Variants in TEK observed in about 807,000 individuals in gnomAD.
TEK encodes the protein TEK receptor tyrosine kinase.
Under a neutral mutation model 131.8 loss-of-function variants are expected in TEK, and 43 were observed. That is an observed-to-expected ratio of 0.33 (90% CI 0.26 to 0.42). The LOEUF is 0.42. TEK is among the 10% of genes least tolerant of loss of function. The probability of loss-of-function intolerance (pLI) is 1.00; values close to 1 mark genes in which losing one functional copy is unlikely to be tolerated. For synonymous variants in TEK, 580 were observed against 491.6 expected (o/e 1.18, Z -2.38); for missense variants, 1,162 against 1,384.4 (o/e 0.84, Z 2.55).
intron 1 of TEK, among the ~76,000 whole-genome samples, chr9:27,121,947 C>T (rs1167029325): frequency 1.3e-5 from 2 of 152,190 alleles, no homozygotes; most frequent in Non-Finnish European, 2.9e-5. Context: ...TCACAGTGAT[C>T]GACCTGTCTC....
chr9:27,141,133 T>C (rs1291219033), intron 1 of TEK, among the ~76,000 whole-genome samples: 1 of 152,164 alleles, frequency 6.6e-6, no homozygotes, highest in Non-Finnish European at 1.5e-5. Flanking sequence ...ACTTAAAACA[T>C]TTACCTTTAA....
chr9:27,216,926 G>A (rs1402668602), intron 18 of TEK, among the ~76,000 whole-genome samples: 2 of 152,170 alleles, frequency 1.3e-5, no homozygotes, highest in Non-Finnish European at 2.9e-5. Flanking sequence ...TGAATGAGTA[G>A]ATAGGAAGGG....
At chr9:27,121,743 CTCAG>C (rs1821799309) in intron 1 of TEK, among the ~76,000 whole-genome samples, 1 of 152,018 alleles carries the variant, frequency 6.6e-6, no homozygotes, top group Admixed American at 6.6e-5. Flanking sequence ...GATATGTAGA[CTCAG>C]TAAGAATCAC....
chr9:27,137,681 A>T (rs1319353307), intron 1 of TEK, among the ~76,000 whole-genome samples: 1 of 100,832 alleles, frequency 9.9e-6, no homozygotes, highest in Non-Finnish European at 2.2e-5. Context: ...CTTCTTAACA[A>T]GATTTACTTC....
At chr9:27,221,028 G>A (rs185284133) in intron 21 of TEK, among the ~76,000 whole-genome samples, 27 of 152,300 alleles carry the variant, frequency 1.8e-4, no homozygotes, top group Non-Finnish European at 2.4e-4. Context: ...TGAAATTCTC[G>A]CTGCAAGCAC....
intron 1 of TEK, among the ~76,000 whole-genome samples, chr9:27,122,642 G>A (rs1821834581): frequency 6.6e-6 from 1 of 152,072 alleles, no homozygotes. Context: ...GGAGATAAGA[G>A]GAGGACAGCA....
rs775771256 is a variant in TEK, at chr9:27,197,433, G to A, written c.1743G>A (p.Arg581=). ...ACTTTTATGTTGAAGTGGAGAGAAG[G>A]TCTGTGCAAAAAAGTGATCAGCAGA... ...EDDFYVEVER[R]SVQKSDQQNI... The change falls in exon 12 of 23, where the codon AGG becomes AGA. Residue 581 remains arginine (R), a synonymous_variant. Transcript: ENST00000380036. 3.7e-6 allele frequency: 6 copies of A among 1,614,076 alleles called. No homozygotes were observed. Among genetic ancestry groups the A allele is most frequent in the Non-Finnish European group, 4.2e-6 (5 of 1,179,996 alleles).
intron 1 of TEK, among the ~76,000 whole-genome samples, chr9:27,110,190 AGTT>A (rs567514699): frequency 5.6e-4 from 67 of 120,090 alleles, no homozygotes; most frequent in African/African-American, 2.2e-3. Context: ...TTTTTCTTGT[AGTT>A]AGGGTCAGGG....
In TEK at chr9:27,192,577, G is replaced by A. The variant is rs1321731951; in HGVS notation, c.1578G>A (p.Gly526=). 6.2e-7 allele frequency: 1 copy of A among 1,613,938 alleles called. No individual in the cohort carries two copies. The highest frequency in any genetic ancestry group is 8.5e-7 in the Non-Finnish European group (1 of 1,179,942). The stretch of plus-strand genomic sequence containing the variant: ...AACTGGTCCGTCGTGGAGAGGGTGG[G>A]GAAGGGCATCCTGGACCTGTGAGAC... The part of the protein sequence containing the change: ...CVQLVRRGEG[G]EGHPGPVRRF... Residue 526 remains glycine (G), a synonymous_variant, in exon 11 of 23, where the codon GGG becomes GGA. Coordinates refer to ENST00000380036, the MANE Select transcript of TEK (RefSeq NM_000459.5).
At chr9:27,177,417 G>C (rs917331421) in intron 6 of TEK, among the ~76,000 whole-genome samples, 1 of 152,282 alleles carries the variant, frequency 6.6e-6, no homozygotes, top group East Asian at 1.9e-4. Flanking sequence ...GTGAGGTTGA[G>C]TATTTTTCAT....
chr9:27,219,933 C>T (rs1825993725), intron 20 of TEK, 116 bp from the exon 21 acceptor site: 5 of 1,052,534 alleles, frequency 4.8e-6, no homozygotes, highest in South Asian at 2.5e-5. Context: ...GCAGGATGCT[C>T]ACCCTCTCTT....
chr9:27,147,646 C>T (rs1216394503), intron 1 of TEK, among the ~76,000 whole-genome samples: 2 of 152,112 alleles, frequency 1.3e-5, no homozygotes, highest in African/African-American at 2.4e-5. Context: ...TTTTTGGTGT[C>T]ATAGCTAACA....
intron 1 of TEK, among the ~76,000 whole-genome samples, chr9:27,124,685 C>T (rs1335844585): frequency 6.6e-6 from 1 of 152,222 alleles, no homozygotes; most frequent in African/African-American, 2.4e-5. Flanking sequence ...CACTCGGCTT[C>T]ATCTGTAAAA....
At chr9:27,206,522 T>C (rs750919215) in intron 14 of TEK, 60 bp from the exon 15 acceptor site, 16 of 1,542,906 alleles carry the variant, frequency 1.0e-5, no homozygotes, top group Non-Finnish European at 1.4e-5. Context: ...CAGAAGACAT[T>C]ATGCCCCTTA....
chr9:27,137,884 T>G (rs893453035), intron 1 of TEK, among the ~76,000 whole-genome samples: 1 of 152,216 alleles, frequency 6.6e-6, no homozygotes, highest in Non-Finnish European at 1.5e-5. Flanking sequence ...TTGGTCTCAC[T>G]GTGGACCCTT....
intron 2 of TEK, among the ~76,000 whole-genome samples, chr9:27,159,870 C>T (rs1440406232): frequency 1.3e-5 from 2 of 152,118 alleles, no homozygotes; most frequent in African/African-American, 4.8e-5. Context: ...GATCTGGCCT[C>T]TCCCCTATCA....
intron 4 of TEK, among the ~76,000 whole-genome samples, 174 bp downstream of exon 4, chr9:27,169,803 T>C (rs1823881657): frequency 1.3e-5 from 2 of 152,252 alleles, no homozygotes; most frequent in Non-Finnish European, 2.9e-5. Context: ...ATAGCAATCA[T>C]TAGAGGAATG....
intron 1 of TEK, among the ~76,000 whole-genome samples, chr9:27,111,081 A>C (rs1225879829): frequency 6.6e-6 from 1 of 152,198 alleles, no homozygotes; most frequent in African/African-American, 2.4e-5. Flanking sequence ...TTTACTCCTA[A>C]AGCAACTGTG....
At chr9:27,166,938 C>G (rs1823752223) in intron 2 of TEK, among the ~76,000 whole-genome samples, 1 of 152,154 alleles carries the variant, frequency 6.6e-6, no homozygotes, top group Non-Finnish European at 1.5e-5. Flanking sequence ...TATCTTCTCT[C>G]TTGCCCTCTT....
Sources: allele counts gnomAD v4.1 joint callset (sites outside exome capture counted in the v4.1 genomes callset), GRCh38; gene constraint gnomAD v4.1.1; transcripts MANE v1.5; gene names NCBI Gene and HGNC (gene_info 2026-07-23, HGNC 2026-07-21).